Variants in QKI observed in about 807,000 individuals in gnomAD.
QKI encodes the protein QKI, KH domain containing RNA binding, also known as KH domain-containing RNA-binding protein QKI.
A neutral mutation model predicts 39.0 loss-of-function variants in QKI; 10 were observed. The observed-to-expected ratio is 0.26, with a 90% CI of 0.16 to 0.43. The LOEUF is 0.43. Among genes scored for constraint, QKI ranks in the 20% least tolerant of loss-of-function variants. QKI has a pLI of 1.00. For missense variants in QKI, 218 were observed against 428.0 expected, an observed-to-expected ratio of 0.51 and a Z score of 4.33; for synonymous variants, 204 against 155.4, an observed-to-expected ratio of 1.31 and a Z score of -2.33.
In QKI at chr6:163,478,761, C is replaced by CT; in HGVS notation, c.286-19_286-18insT. 6.9e-7 allele frequency: 1 copy of CT among 1,451,220 alleles called. No individual in the cohort carries two copies. The highest frequency in any genetic ancestry group is 9.6e-7 in the Non-Finnish European group (1 of 1,045,542). The allele number at this position is 1,451,220 out of a possible 1,614,324, so 89.9% of individuals were successfully genotyped here. A position where few individuals can be genotyped will look rare whatever the true frequency, so the allele number is the denominator to read the frequency against. ...CAGCAAGTGAATAATGTATAGTGAT[C>CT]CTTTTTTTTTTTTCTCAGTTTAATT... On this transcript the variant is annotated intron_variant, in intron 2 of 7. Coordinates refer to ENST00000361752, the MANE Select transcript of QKI (RefSeq NM_006775.3).
chr6:163,513,619 A>G (rs575518507), intron 3 of QKI, among the ~76,000 whole-genome samples: 4 of 152,298 alleles, frequency 2.6e-5, no homozygotes, highest in South Asian at 2.1e-4. Flanking sequence ...ACAGCAATCT[A>G]TACTACCAGG....
intron 3 of QKI, among the ~76,000 whole-genome samples, chr6:163,485,941 A>G (rs1455989511): frequency 2.6e-5 from 4 of 152,228 alleles, no homozygotes; most frequent in African/African-American, 7.2e-5. Context: ...AAAAACAAAC[A>G]AACAAACAAA....
chr6:163,451,828 A>C (rs1408025905), intron 1 of QKI, among the ~76,000 whole-genome samples: 2 of 152,170 alleles, frequency 1.3e-5, no homozygotes, highest in Non-Finnish European at 2.9e-5. Context: ...TCATGAGAAC[A>C]CCTGTGAAGC....
intron 3 of QKI, among the ~76,000 whole-genome samples, chr6:163,509,270 G>T (rs1319755646): frequency 6.6e-6 from 1 of 152,084 alleles, no homozygotes; most frequent in Admixed American, 6.5e-5. Context: ...AAAGATAACA[G>T]ACAGAACTAA....
intron 1 of QKI, among the ~76,000 whole-genome samples, chr6:163,447,502 C>T (rs1790244269): frequency 2.0e-5 from 3 of 152,100 alleles, no homozygotes; most frequent in South Asian, 4.1e-4. Context: ...TTCATCTCTT[C>T]TCCTACTCAT....
rs556712483 is a variant in QKI, at chr6:163,529,547, GTAAA to G, written c.403-5432_403-5429del. ...TAATACAGAAAAAAAAGAAATAAAA[GTAAA>G]TATTAAAGAAAGGGAAAGGAGGCAT... On this transcript the variant is annotated intron_variant, in intron 3 of 7. Coordinates refer to ENST00000361752, the MANE Select transcript of QKI (RefSeq NM_006775.3). 1.9e-3 allele frequency among the ~76,000 whole-genome samples: 286 copies of G among 152,136 alleles called. 2 individuals carry two copies. Among genetic ancestry groups the G allele is most frequent in the African/African-American group, 6.4e-3 (265 of 41,500 alleles).
chr6:163,461,983 GCGGAAAAGTAC>G (rs1268175305), intron 2 of QKI, among the ~76,000 whole-genome samples: 1 of 152,144 alleles, frequency 6.6e-6, no homozygotes, highest in Non-Finnish European at 1.5e-5. Context: ...TTCAGTTTGG[GCGGAAAAGTAC>G]CTTAGTTTTT....
chr6:163,485,514 A>AG lies in QKI; in HGVS notation c.402+6622dup, dbSNP rs1777600489. Among the ~76,000 whole-genome samples the AG allele has an allele frequency of 2.6e-5, 4 of 152,182 alleles. No individual in the cohort carries two copies. The South Asian group carries it at 8.3e-4, about 31-fold the overall frequency. ...GGGTATATATATGCATGGTCATTGT[A>AG]GGGGACACCATTTGTGGTTTTGTCT... On this transcript the variant is annotated intron_variant, in intron 3 of 7. Transcript: ENST00000361752.
Position 163,532,328 on chromosome 6 carries a change from A to G in QKI, c.403-2654A>G, listed in dbSNP as rs1424509831. Among the ~76,000 whole-genome samples the G allele has an allele frequency of 6.6e-5, 10 of 152,186 alleles. No homozygotes were observed. In the East Asian group the frequency reaches 1.3e-3, roughly 21 times the overall value. The stretch of plus-strand genomic sequence containing the variant: ...TTTGTCTATTTATAATAACATCTGT[A>G]TCACTTCTAGATTGGTTTGAGTGAA... On this transcript the variant is annotated intron_variant, in intron 3 of 7. Coordinates refer to ENST00000361752, the MANE Select transcript of QKI (RefSeq NM_006775.3).
chr6:163,560,716 T>G (rs1782940801), intron 4 of QKI, among the ~76,000 whole-genome samples: 1 of 152,214 alleles, frequency 6.6e-6, no homozygotes. Flanking sequence ...TTTATATTTT[T>G]AGATAGTAAG....
Position 163,481,771 on chromosome 6 carries a change from AC to A in QKI, c.402+2877del, listed in dbSNP as rs201832581. On this transcript the variant is annotated intron_variant, in intron 3 of 7. Coordinates refer to ENST00000361752, the MANE Select transcript of QKI (RefSeq NM_006775.3). ...GAATGGTACTAGTTAAGATCATGGA[AC>A]CAGGGCTTGAAAACTATTATGAACT... is the stretch of plus-strand genomic sequence containing the variant. 1.1e-3 allele frequency among the ~76,000 whole-genome samples: 175 copies of A among 152,324 alleles called. 2 individuals carry two copies. In the East Asian group the frequency reaches 0.022, roughly 19 times the overall value.
intron 1 of QKI, among the ~76,000 whole-genome samples, chr6:163,434,360 C>T (rs1467709352): frequency 6.6e-6 from 1 of 152,056 alleles, no homozygotes; most frequent in Non-Finnish European, 1.5e-5. Context: ...TAGTTTTTTA[C>T]CTAGATTTTA....
At chr6:163,501,151 TACTC>T (rs1778732111) in intron 3 of QKI, among the ~76,000 whole-genome samples, 1 of 152,124 alleles carries the variant, frequency 6.6e-6, no homozygotes, top group Non-Finnish European at 1.5e-5. Context: ...AGCTGTGAAA[TACTC>T]AGATGGATAA....
At chr6:163,560,131 G>T (rs1029867795) in intron 4 of QKI, among the ~76,000 whole-genome samples, 4 of 152,096 alleles carry the variant, frequency 2.6e-5, no homozygotes, top group African/African-American at 9.7e-5. Context: ...TAAGTAACTT[G>T]GGGGTGGCCG....
At position 163,436,003 on chromosome 6, in the gene QKI, A is replaced by G. The variant is rs181692525; in HGVS notation, c.143-19276A>G. Among the ~76,000 whole-genome samples the G allele has an allele frequency of 4.1e-3, 612 of 151,014 alleles. 3 individuals carry two copies. Among genetic ancestry groups the G allele is most frequent in the Non-Finnish European group, 7.3e-3 (493 of 67,802 alleles). On this transcript the variant is annotated intron_variant, in intron 1 of 7. Coordinates refer to ENST00000361752, the MANE Select transcript of QKI (RefSeq NM_006775.3). Reference sequence around the variant, plus strand: ...TAACCAAACCCTTGATTCAGTACACACTATTTAAAGTGTTTAATCCAGAAT... The same window carrying G: ...TAACCAAACCCTTGATTCAGTACACGCTATTTAAAGTGTTTAATCCAGAAT...
intron 3 of QKI, among the ~76,000 whole-genome samples, chr6:163,479,597 CCT>C: frequency 6.6e-6 from 1 of 152,330 alleles, no homozygotes; most frequent in South Asian, 2.1e-4. Context: ...GTCTCGAACT[CCT>C]GACCTCGTGA....
chr6:163,491,443 C>T (rs919311342), intron 3 of QKI, among the ~76,000 whole-genome samples: 1 of 152,208 alleles, frequency 6.6e-6, no homozygotes, highest in Admixed American at 6.5e-5. Context: ...CCCTCCTCCT[C>T]TACTTTTGTT....
intron 3 of QKI, among the ~76,000 whole-genome samples, chr6:163,491,934 C>G (rs879339759): frequency 6.6e-6 from 1 of 152,164 alleles, no homozygotes; most frequent in African/African-American, 2.4e-5. Flanking sequence ...AGACGTGAGT[C>G]TCAGTGAAAA....
chr6:163,491,126 C>T (rs529695366), intron 3 of QKI, among the ~76,000 whole-genome samples: 1 of 152,242 alleles, frequency 6.6e-6, no homozygotes, highest in African/African-American at 2.4e-5. Context: ...GACCCGCTAT[C>T]CTTTTCAGTG....
Sources: gnomAD v4.1 joint callset for allele counts (sites outside exome capture counted in the v4.1 genomes callset) on GRCh38, gnomAD v4.1.1 for gene constraint, MANE v1.5 for transcripts, NCBI Gene and HGNC (gene_info 2026-07-23, HGNC 2026-07-21) for gene names.